The following GRM8 variants were observed in gnomAD, a reference collection of about 807,000 sequenced individuals.
GRM8 encodes glutamate metabotropic receptor 8, also known as metabotropic glutamate receptor 8.
In GRM8, 47 loss-of-function variants were observed where a neutral mutation model predicts 87.2. The ratio of observed to expected loss-of-function variants is 0.54; its 90% confidence interval spans 0.43 to 0.69. The LOEUF is 0.69. Among genes scored for constraint, GRM8 ranks in the 30% least tolerant of loss-of-function variants. The pLI is 0.00. For synonymous variants in GRM8, 396 were observed against 404.5 expected (o/e 0.98, Z 0.25); for missense variants, 1,019 against 1,139.2 (o/e 0.89, Z 1.52).
intron 7 of GRM8, among the ~76,000 whole-genome samples, chr7:126,727,710 C>G (rs1248361787): frequency 3.4e-5 from 5 of 146,090 alleles, no homozygotes; most frequent in Admixed American, 6.7e-5. Flanking sequence ...ATCATACACA[C>G]ACACACACAC....
At chr7:126,899,634 C>A (rs534285294) in intron 6 of GRM8, among the ~76,000 whole-genome samples, 1 of 152,306 alleles carries the variant, frequency 6.6e-6, no homozygotes, top group Admixed American at 6.5e-5. Context: ...TTTCCCCCAA[C>A]CAAATCACAT....
intron 2 of GRM8, among the ~76,000 whole-genome samples, chr7:127,112,968 T>C (rs1417056387): frequency 6.6e-6 from 1 of 152,216 alleles, no homozygotes; most frequent in Non-Finnish European, 1.5e-5. Context: ...GTAAGATAGA[T>C]ATTCCAGACA....
intron 7 of GRM8, among the ~76,000 whole-genome samples, chr7:126,634,275 G>T (rs1179145155): frequency 6.6e-6 from 1 of 152,108 alleles, no homozygotes; most frequent in Non-Finnish European, 1.5e-5. Flanking sequence ...GCCATTATCA[G>T]CTGTCTTGTT....
At chr7:126,825,827 G>A (rs952205631) in intron 6 of GRM8, among the ~76,000 whole-genome samples, 1 of 151,518 alleles carries the variant, frequency 6.6e-6, no homozygotes, top group Admixed American at 6.6e-5. Context: ...CCATTAACTC[G>A]TCATTTAGCA....
At chr7:126,788,420 A>AAAAAAACAAAAACAAAAAACAAAAAAC in intron 6 of GRM8, among the ~76,000 whole-genome samples, 8 of 81,134 alleles carry the variant, frequency 9.9e-5, no homozygotes, top group East Asian at 3.7e-4. Flanking sequence ...AAAAAAAAAA[A>AAAAAAACAAAAACAAAAAACAAAAAAC]AAACCCTTTC....
At chr7:126,903,444 A>G (rs1296848262) in intron 5 of GRM8, among the ~76,000 whole-genome samples, 2 of 151,474 alleles carry the variant, frequency 1.3e-5, no homozygotes, top group Non-Finnish European at 2.9e-5. Flanking sequence ...TGCTATAACC[A>G]CCATAAATAC....
At chr7:126,815,343 T>C (rs1202701978) in intron 6 of GRM8, among the ~76,000 whole-genome samples, 1 of 152,152 alleles carries the variant, frequency 6.6e-6, no homozygotes. Context: ...GGAGAATTAC[T>C]GACTCATTGT....
At chr7:127,147,704 C>T (rs1192407188) in intron 2 of GRM8, among the ~76,000 whole-genome samples, 1 of 152,018 alleles carries the variant, frequency 6.6e-6, no homozygotes, top group African/African-American at 2.4e-5. Context: ...TAATGCAACC[C>T]AATTTTGCTG....
At chr7:126,507,295 T>G (rs1187008092) in intron 9 of GRM8, among the ~76,000 whole-genome samples, 1 of 152,112 alleles carries the variant, frequency 6.6e-6, no homozygotes, top group Non-Finnish European at 1.5e-5. Context: ...CACCTATCTT[T>G]GTGACCTCAG....
At chr7:126,795,670 G>A (rs936485465) in intron 6 of GRM8, among the ~76,000 whole-genome samples, 2 of 152,054 alleles carry the variant, frequency 1.3e-5, no homozygotes, top group African/African-American at 4.8e-5. Context: ...AAAATTAACA[G>A]CATTTCCTCC....
At chr7:126,555,981 T>C (rs2150944200) in intron 8 of GRM8, among the ~76,000 whole-genome samples, 1 of 152,240 alleles carries the variant, frequency 6.6e-6, no homozygotes, top group Admixed American at 6.5e-5. Context: ...ACCAAAAACA[T>C]CCAGTTGAAA....
intron 3 of GRM8, among the ~76,000 whole-genome samples, chr7:127,026,286 G>A (rs559033417): frequency 2.6e-5 from 4 of 152,056 alleles, no homozygotes; most frequent in Admixed American, 6.5e-5. Flanking sequence ...CTTTGCTATT[G>A]GGAATAGTGC....
chr7:126,626,328 T>C (rs1002936028), intron 7 of GRM8, among the ~76,000 whole-genome samples: 2 of 152,204 alleles, frequency 1.3e-5, no homozygotes, highest in African/African-American at 4.8e-5. Flanking sequence ...GTTATTAGTT[T>C]ACATTTTTTA....
At chr7:126,956,898 C>T (rs1255383751) in intron 3 of GRM8, among the ~76,000 whole-genome samples, 5 of 151,924 alleles carry the variant, frequency 3.3e-5, no homozygotes, top group East Asian at 1.9e-4. Context: ...AATACAGAGC[C>T]GACTATTACC....
intron 7 of GRM8, among the ~76,000 whole-genome samples, chr7:126,747,875 T>C (rs117018869): frequency 0.013 from 1,923 of 152,138 alleles, 22 homozygotes; most frequent in Non-Finnish European, 0.018. Flanking sequence ...TCGGTATTTA[T>C]TATTCCTGTG....
intron 8 of GRM8, 29 bp downstream of exon 8, chr7:126,609,333 C>T (rs1427823623): frequency 1.4e-5 from 22 of 1,586,856 alleles, no homozygotes; most frequent in Non-Finnish European, 1.9e-5. Flanking sequence ...GAGCTATATA[C>T]ATTAATATAT....
chr7:126,565,540 T>C (rs1472928755), intron 8 of GRM8, among the ~76,000 whole-genome samples: 1 of 152,002 alleles, frequency 6.6e-6, no homozygotes, highest in Non-Finnish European at 1.5e-5. Context: ...TGAAAGAAAT[T>C]AAAGACACAA....
At chr7:127,226,639 A>G (rs1165527750) in intron 2 of GRM8, among the ~76,000 whole-genome samples, 1 of 152,242 alleles carries the variant, frequency 6.6e-6, no homozygotes, top group African/African-American at 2.4e-5. Context: ...AAAATTGGAA[A>G]TGGGGTTCCA....
At chr7:127,131,594 C>G (rs1827694002) in intron 2 of GRM8, among the ~76,000 whole-genome samples, 1 of 152,156 alleles carries the variant, frequency 6.6e-6, no homozygotes, top group Non-Finnish European at 1.5e-5. Context: ...TGTGGGGACA[C>G]TGGTTTAAGG....
Sources: allele counts gnomAD v4.1 joint callset (sites outside exome capture counted in the v4.1 genomes callset), GRCh38; gene constraint gnomAD v4.1.1; transcripts MANE v1.5; gene names NCBI Gene and HGNC (gene_info 2026-07-23, HGNC 2026-07-21).